CDH8: variants seen among roughly 807,000 people sequenced by gnomAD.
CDH8 encodes cadherin-8.
A neutral mutation model predicts 68.1 loss-of-function variants in CDH8; 17 were observed. The ratio of observed to expected loss-of-function variants is 0.25; its 90% confidence interval spans 0.17 to 0.37. The LOEUF is 0.37. Among genes scored for constraint, CDH8 ranks in the 10% least tolerant of loss-of-function variants. The probability of loss-of-function intolerance (pLI) is 1.00; values close to 1 mark genes in which losing one functional copy is unlikely to be tolerated. For synonymous variants in CDH8, 372 were observed against 365.1 expected (o/e 1.02, Z -0.21); for missense variants, 763 against 999.3 (o/e 0.76, Z 3.19).
chr16:61,801,327 A>C (rs9674309), intron 7 of CDH8, among the ~76,000 whole-genome samples: 4,714 of 152,272 alleles, frequency 0.031, 236 homozygotes, highest in African/African-American at 0.11. Context: ...GCATCTCAAA[A>C]TGTGTAACAA....
intron 10 of CDH8, among the ~76,000 whole-genome samples, chr16:61,698,285 G>A (rs1964364295): frequency 6.6e-6 from 1 of 152,174 alleles, no homozygotes; most frequent in Admixed American, 6.5e-5. Flanking sequence ...AAGGTTGAGA[G>A]TGGCAATAGC....
At chr16:61,657,491 A>C (rs946060109) in intron 10 of CDH8, among the ~76,000 whole-genome samples, 6 of 152,122 alleles carry the variant, frequency 3.9e-5, no homozygotes, top group Non-Finnish European at 8.8e-5. Flanking sequence ...GGAGTTAAGC[A>C]GTTATATACC....
rs1567446500 is a variant in CDH8 at position 61,736,116 on chromosome 16, G to GA, written c.1415-8902dup. On this transcript the variant is annotated intron_variant, in intron 8 of 11. Coordinates refer to ENST00000577390, the MANE Select transcript of CDH8 (RefSeq NM_001796.5). ...GAAAGAAGGAAAGAAAGAAAGAAAG[G>GA]AAGGAAGGAAGGAAGGAAGGAAGGA... Among the ~76,000 whole-genome samples the GA allele has an allele frequency of 5.7e-3, 429 of 74,732 alleles. 1 individual carries two copies. Among genetic ancestry groups the GA allele is most frequent in the Admixed American group, 9.1e-3 (60 of 6,576 alleles). The allele number at this position is 74,732 out of a possible 152,430, so 49.0% of individuals were successfully genotyped here.
chr16:61,686,019 A>T (rs1964098807), intron 10 of CDH8, among the ~76,000 whole-genome samples: 1 of 152,006 alleles, frequency 6.6e-6, no homozygotes, highest in Non-Finnish European at 1.5e-5. Flanking sequence ...TTACAGAATG[A>T]AAGATGAATA....
At chr16:61,891,651 A>G (rs922251577) in intron 3 of CDH8, among the ~76,000 whole-genome samples, 6 of 152,168 alleles carry the variant, frequency 3.9e-5, no homozygotes, top group African/African-American at 1.4e-4. Context: ...CAGAAGAGAA[A>G]CTACAGACTC....
intron 10 of CDH8, among the ~76,000 whole-genome samples, chr16:61,703,665 G>A (rs896093371): frequency 6.6e-6 from 1 of 152,030 alleles, no homozygotes; most frequent in Non-Finnish European, 1.5e-5. Flanking sequence ...ACAGTGAAAC[G>A]CCGTCTCTAC....
At chr16:61,687,957 C>A (rs1016345388) in intron 10 of CDH8, among the ~76,000 whole-genome samples, 2 of 152,010 alleles carry the variant, frequency 1.3e-5, no homozygotes, top group African/African-American at 4.8e-5. Flanking sequence ...GGAAAGTCAT[C>A]AGCATCCGTT....
intron 2 of CDH8, among the ~76,000 whole-genome samples, chr16:61,956,136 CAA>C (rs1445255478): frequency 1.1e-4 from 17 of 152,038 alleles, no homozygotes; most frequent in Non-Finnish European, 1.8e-4. Flanking sequence ...AGTAATAAGA[CAA>C]AGAGTATCAA....
At chr16:61,983,209 A>G (rs1965568356) in intron 2 of CDH8, among the ~76,000 whole-genome samples, 1 of 152,136 alleles carries the variant, frequency 6.6e-6, no homozygotes, top group Non-Finnish European at 1.5e-5. Context: ...GTTTAACCTC[A>G]TGTGTACTTT....
chr16:61,652,692 A>G lies in CDH8; in HGVS notation c.*916T>C. On this transcript the variant is annotated 3_prime_UTR_variant, in exon 12 of 12. Coordinates refer to ENST00000577390, the MANE Select transcript of CDH8 (RefSeq NM_001796.5). Reference sequence around the variant, plus strand: ...AATGGATATAATTTAGTTTTTTCCCATATATCCCCTTAATCTATAGATTAC... The same window carrying G: ...AATGGATATAATTTAGTTTTTTCCCGTATATCCCCTTAATCTATAGATTAC... 1.6e-6 allele frequency: 2 copies of G among 1,238,566 alleles called. No individual in the cohort carries two copies. Among genetic ancestry groups the G allele is most frequent in the African/African-American group, 1.5e-5 (1 of 64,890 alleles). The allele number at this position is 1,238,566 out of a possible 1,614,324, so 76.7% of individuals were successfully genotyped here. A position where few individuals can be genotyped will look rare whatever the true frequency, so the allele number is the denominator to read the frequency against.
rs1567545413 is a variant in CDH8, at chr16:61,959,978, GTGTGTGTA to G, written c.253-58513_253-58506del. 1.7e-3 allele frequency among the ~76,000 whole-genome samples: 77 copies of G among 46,512 alleles called. 1 individual carries two copies. Among genetic ancestry groups the G allele is most frequent in the Middle Eastern group, 0.014 (1 of 72 alleles). The allele number at this position is 46,512 out of a possible 152,430, so 30.5% of individuals were successfully genotyped here. On this transcript the variant is annotated intron_variant, in intron 2 of 11. Coordinates refer to ENST00000577390, the MANE Select transcript of CDH8 (RefSeq NM_001796.5). ...TTCTCTGTATGTGGTGTATGTGTGT[GTGTGTGTA>G]TATATATATATATATATATATATAT...
intron 4 of CDH8, among the ~76,000 whole-genome samples, chr16:61,840,207 A>C (rs1962653813): frequency 6.6e-6 from 1 of 152,168 alleles, no homozygotes; most frequent in African/African-American, 2.4e-5. Context: ...TCCCAGGCAC[A>C]CTTCATAGAC....
intron 9 of CDH8, 88 bp from the exon 10 acceptor site, chr16:61,714,046 C>A: frequency 2.4e-6 from 2 of 822,832 alleles, no homozygotes; most frequent in South Asian, 2.9e-5. Flanking sequence ...TTTTTGTGGT[C>A]TGATACTTTG....
At position 62,021,493 on chromosome 16, in the gene CDH8, C is replaced by T. The variant is rs1264118938; in HGVS notation, c.-90G>A. 1.1e-5 allele frequency: 17 copies of T among 1,518,516 alleles called. No individual in the cohort carries two copies. Among genetic ancestry groups the T allele is most frequent in the Middle Eastern group, 2.0e-4 (1 of 5,048 alleles). The allele number at this position is 1,518,516 out of a possible 1,614,324, so 94.1% of individuals were successfully genotyped here. On this transcript the variant is annotated 5_prime_UTR_variant, in exon 2 of 12. Transcript: ENST00000577390. ...AGCCATCCAATTCATCATGCAGTGCCGAGCATTTACTTACAGCTCTGCCAC... is the reference window on the plus strand; with the variant it reads ...AGCCATCCAATTCATCATGCAGTGCTGAGCATTTACTTACAGCTCTGCCAC...
At chr16:61,826,604 G>T (rs1220325891) in intron 4 of CDH8, among the ~76,000 whole-genome samples, 1 of 151,354 alleles carries the variant, frequency 6.6e-6, no homozygotes, top group Non-Finnish European at 1.5e-5. Flanking sequence ...AATTGAAGCT[G>T]AGCCATTGCC....
chr16:61,677,214 C>T (rs182293197), intron 10 of CDH8, among the ~76,000 whole-genome samples: 1 of 150,618 alleles, frequency 6.6e-6, no homozygotes. Context: ...TCTTCATCGT[C>T]TTTCCCAGAA....
chr16:61,771,472 CAAAAAAA>C (rs11355312), intron 8 of CDH8, among the ~76,000 whole-genome samples: 17 of 62,266 alleles, frequency 2.7e-4, no homozygotes, highest in East Asian at 2.2e-3. Flanking sequence ...AAAAGCCAGC[CAAAAAAA>C]AAAAAAAAAA....
In CDH8 at chr16:61,647,875, C is replaced by A. The variant is rs1963238902; in HGVS notation, c.*5733G>T. The stretch of plus-strand genomic sequence containing the variant: ...CATCTTGTGATATTCCTCCTAGCAA[C>A]CCTCTTCTGTAATCTGTGGATAATA... On this transcript the variant is annotated 3_prime_UTR_variant, in exon 12 of 12. Transcript: ENST00000577390. 2 of 699,082 alleles carry A rather than the reference C, an allele frequency of 2.9e-6. No individual in the cohort carries two copies. The highest frequency in any genetic ancestry group is 4.0e-5 in the Admixed American group (2 of 49,866). 43.3% of individuals were successfully genotyped at this position (699,082 alleles called of 1,614,324 possible). A position where few individuals can be genotyped will look rare whatever the true frequency, so the allele number is the denominator to read the frequency against.
intron 2 of CDH8, among the ~76,000 whole-genome samples, chr16:61,973,718 T>A (rs1192380516): frequency 1.3e-5 from 2 of 152,318 alleles, no homozygotes; most frequent in Non-Finnish European, 2.9e-5. Flanking sequence ...AGATGTCATA[T>A]CCTGAAGGAT....
Sources: allele counts gnomAD v4.1 joint callset (sites outside exome capture counted in the v4.1 genomes callset), GRCh38; gene constraint gnomAD v4.1.1; transcripts MANE v1.5; gene names NCBI Gene and HGNC (gene_info 2026-07-23, HGNC 2026-07-21).